Variants in DGAT1 observed in about 807,000 individuals in gnomAD.
DGAT1 encodes the protein diacylglycerol O-acyltransferase 1.
DGAT1 carries 60 observed loss-of-function variants against 72.6 expected under a neutral mutation model. That is an observed-to-expected ratio of 0.83 (90% CI 0.67 to 1.02). The LOEUF is 1.02. Among genes scored for constraint, DGAT1 ranks in the 50% least tolerant of loss-of-function variants. The probability of loss-of-function intolerance (pLI) is 0.00; values close to 1 mark genes in which losing one functional copy is unlikely to be tolerated. For synonymous variants in DGAT1, 290 were observed against 267.5 expected, an observed-to-expected ratio of 1.08 and a Z score of -0.82; for missense variants, 592 against 670.0, an observed-to-expected ratio of 0.88 and a Z score of 1.29.
At position 144,319,740 on chromosome 8, in the gene DGAT1, G is replaced by A. The variant is rs557198250; in HGVS notation, c.289-672C>T. 3.9e-4 allele frequency among the ~76,000 whole-genome samples: 60 copies of A among 152,312 alleles called. 1 individual carries two copies. In the Middle Eastern group the frequency reaches 0.014, roughly 35 times the overall value. On this transcript the variant is annotated intron_variant, in intron 2 of 16. Coordinates refer to ENST00000528718, the MANE Select transcript of DGAT1 (RefSeq NM_012079.6). The stretch of plus-strand genomic sequence containing the variant: ...CCCCATGGAATAAGGCTCTTGGGAC[G>A]AGCCTGGAGTTGGGTGCTTGGCCTC...
rs960789490 is a variant in DGAT1, at chr8:144,326,366, C to G, written c.200+71G>C. 45 of 1,307,158 alleles carry G rather than the reference C, an allele frequency of 3.4e-5. No individual in the cohort carries two copies. The South Asian group carries it at 8.0e-4, about 23-fold the overall frequency. 81.0% of individuals were successfully genotyped at this position (1,307,158 alleles called of 1,614,324 possible). A position where few individuals can be genotyped will look rare whatever the true frequency, so the allele number is the denominator to read the frequency against. On this transcript the variant is annotated intron_variant, in intron 1 of 16. Transcript: ENST00000528718. ...GGCCCATGTTCTCGGACTCGGAGCT[C>G]GCGCTTCGGCCAACCCCGGAAAGTC...
intron 1 of DGAT1, among the ~76,000 whole-genome samples, chr8:144,325,253 G>GGC (rs1200199893): frequency 6.6e-6 from 1 of 151,870 alleles, no homozygotes; most frequent in Non-Finnish European, 1.5e-5. Flanking sequence ...CTCTCAGGAG[G>GGC]GCCACCCTCC....
intron 1 of DGAT1, among the ~76,000 whole-genome samples, chr8:144,321,710 C>A (rs1355467072): frequency 6.6e-6 from 1 of 152,254 alleles, no homozygotes; most frequent in Admixed American, 6.5e-5. Flanking sequence ...CCAGGCCTCA[C>A]TCTCCAGAGG....
chr8:144,323,193 C>T (rs1817505551), intron 1 of DGAT1, among the ~76,000 whole-genome samples: 1 of 152,212 alleles, frequency 6.6e-6, no homozygotes, highest in Non-Finnish European at 1.5e-5. Flanking sequence ...CCCCTTTGAG[C>T]CACCAAGGAC....
chr8:144,322,439 C>T (rs536671263), intron 1 of DGAT1, among the ~76,000 whole-genome samples: 3 of 152,186 alleles, frequency 2.0e-5, no homozygotes, highest in Non-Finnish European at 2.9e-5. Context: ...AGCCCCTAGG[C>T]AGGGAGAGTG....
intron 1 of DGAT1, 137 bp from the exon 2 acceptor site, chr8:144,321,545 C>T: frequency 1.3e-6 from 1 of 753,370 alleles, no homozygotes; most frequent in Non-Finnish European, 2.3e-6. Context: ...GAGGAGAAGC[C>T]AGGCAGAGCC....
chr8:144,323,771 G>C (rs1817523478), intron 1 of DGAT1, among the ~76,000 whole-genome samples: 1 of 152,194 alleles, frequency 6.6e-6, no homozygotes, highest in African/African-American at 2.4e-5. Context: ...CCGCCACCCT[G>C]TCTCCAGGTT....
Position 144,319,825 on chromosome 8 carries a change from A to G in DGAT1, c.289-757T>C, listed in dbSNP as rs1279437635. Among the ~76,000 whole-genome samples, 4 of 152,324 alleles carry G rather than the reference A, an allele frequency of 2.6e-5. No individual in the cohort carries two copies. The East Asian group carries it at 7.7e-4, about 29-fold the overall frequency. On this transcript the variant is annotated intron_variant, in intron 2 of 16. Coordinates refer to ENST00000528718, the MANE Select transcript of DGAT1 (RefSeq NM_012079.6). ...ACAAGCACTACCAACACCTCCATTA[A>G]GCTGGGCCCCAATGCCGCAGACCTG... is the stretch of plus-strand genomic sequence containing the variant.
At chr8:144,322,130 C>T (rs899675025) in intron 1 of DGAT1, among the ~76,000 whole-genome samples, 13 of 152,314 alleles carry the variant, frequency 8.5e-5, no homozygotes, top group African/African-American at 1.4e-4. Flanking sequence ...TCCCAACCAG[C>T]GCTGGAGGGG....
chr8:144,315,489 G>A lies in DGAT1; in HGVS notation c.*1065C>T. The A allele has an allele frequency of 1.0e-6, 1 of 985,594 alleles. No individual in the cohort carries two copies. Among genetic ancestry groups the A allele is most frequent in the Non-Finnish European group, 1.2e-6 (1 of 830,046 alleles). The allele number at this position is 985,594 out of a possible 1,614,324, so 61.1% of individuals were successfully genotyped here. A position where few individuals can be genotyped will look rare whatever the true frequency, so the allele number is the denominator to read the frequency against. On this transcript the variant is annotated 3_prime_UTR_variant, in exon 17 of 17. Transcript: ENST00000528718. ...TGTTGGGCCATAGCTGCAGGTCTGG[G>A]GACACCAGGGCCTGGTCCAGTCTTG...
rs1409738398 is a variant in DGAT1, at chr8:144,315,482, G to T, written c.*1072C>A. 8.1e-6 allele frequency: 8 copies of T among 985,504 alleles called. No homozygotes were observed. Among genetic ancestry groups the T allele is most frequent in the East Asian group, 1.1e-4 (1 of 8,832 alleles). 61.0% of individuals were successfully genotyped at this position (985,504 alleles called of 1,614,324 possible). A position where few individuals can be genotyped will look rare whatever the true frequency, so the allele number is the denominator to read the frequency against. Reference sequence around the variant, plus strand: ...CCTGCCTTGTTGGGCCATAGCTGCAGGTCTGGGGACACCAGGGCCTGGTCC... The same window carrying T: ...CCTGCCTTGTTGGGCCATAGCTGCATGTCTGGGGACACCAGGGCCTGGTCC... On this transcript the variant is annotated 3_prime_UTR_variant, in exon 17 of 17. Coordinates refer to ENST00000528718, the MANE Select transcript of DGAT1 (RefSeq NM_012079.6).
At position 144,314,701 on chromosome 8, in the gene DGAT1, TA is replaced by T. The variant is rs1817116060; in HGVS notation, c.*1852del. On this transcript the variant is annotated 3_prime_UTR_variant, in exon 17 of 17. Coordinates refer to ENST00000528718, the MANE Select transcript of DGAT1 (RefSeq NM_012079.6). ...GACGGACAAGACAGGCAGAGATCTATAAACAGACAGGCTCTATGCTATGGCC... is the reference window on the plus strand; with the variant it reads ...GACGGACAAGACAGGCAGAGATCTATAACAGACAGGCTCTATGCTATGGCC... 1 of 263,444 alleles carries T rather than the reference TA, an allele frequency of 3.8e-6. No individual in the cohort carries two copies. The highest frequency in any genetic ancestry group is 2.2e-5 in the African/African-American group (1 of 46,394). 16.3% of individuals were successfully genotyped at this position (263,444 alleles called of 1,614,324 possible).
Position 144,314,936 on chromosome 8 carries a change from G to T in DGAT1, c.*1618C>A. 9.1e-6 allele frequency: 9 copies of T among 986,034 alleles called. No homozygotes were observed. The South Asian group carries it at 3.3e-4, about 36-fold the overall frequency. 61.1% of individuals were successfully genotyped at this position (986,034 alleles called of 1,614,324 possible). A position where few individuals can be genotyped will look rare whatever the true frequency, so the allele number is the denominator to read the frequency against. On this transcript the variant is annotated 3_prime_UTR_variant, in exon 17 of 17. Coordinates refer to ENST00000528718, the MANE Select transcript of DGAT1 (RefSeq NM_012079.6). ...GGGTGGGCGCCTCACCTTGGCCCTG[G>T]GGGTCTCTGGTTGTCACAGGACCAC... is the stretch of plus-strand genomic sequence containing the variant.
Position 144,315,114 on chromosome 8 carries a change from G to A in DGAT1, c.*1440C>T. The A allele has an allele frequency of 5.1e-6, 5 of 985,540 alleles. No individual in the cohort carries two copies. The highest frequency in any genetic ancestry group is 6.0e-6 in the Non-Finnish European group (5 of 829,970). 61.0% of individuals were successfully genotyped at this position (985,540 alleles called of 1,614,324 possible). On this transcript the variant is annotated 3_prime_UTR_variant, in exon 17 of 17. Transcript: ENST00000528718. ...CTCCACTCAGCCTGGTGGAGGAAGG[G>A]AAGGGGGCCTGCGCTGGGCAGTGGA...
At chr8:144,326,407 C>G (rs1554848775) in intron 1 of DGAT1, 30 bp downstream of exon 1, 2 of 1,390,404 alleles carry the variant, frequency 1.4e-6, no homozygotes, top group East Asian at 3.1e-5. Flanking sequence ...GCCCTTGGGT[C>G]AGAGGTTAGG....
At position 144,317,103 on chromosome 8, in the gene DGAT1, GA is replaced by G; in HGVS notation, c.1166del (p.Phe389SerfsTer31). ...TGCCCCGTCGAAGCATGGGCTTGTA[GA>G]AGTGTCTGCAGAGGAGGGGGCATGG... ...IPVHKWCIRH[F>X]YKPMLRRGSS... On this transcript the variant is annotated frameshift_variant, in exon 15 of 17. Transcript: ENST00000528718. LOFTEE classifies it high-confidence loss of function. 1 of 1,613,094 alleles carries G rather than the reference GA, an allele frequency of 6.2e-7. No homozygotes were observed.
At position 144,326,805 on chromosome 8, in the gene DGAT1, C is replaced by A. The variant is rs1164591495; in HGVS notation, c.-169G>T. 4.1e-5 allele frequency: 16 copies of A among 391,758 alleles called. No individual in the cohort carries two copies. The South Asian group carries it at 1.7e-3, about 41-fold the overall frequency. 24.3% of individuals were successfully genotyped at this position (391,758 alleles called of 1,614,324 possible). ...GCGCGTTCAACCCGCCCGCGTCGGG[C>A]CCGTCGGCCTCAAGGACAACGGCTG... On this transcript the variant is annotated 5_prime_UTR_variant, in exon 1 of 17. Transcript: ENST00000528718.
chr8:144,326,749 G>C lies in DGAT1; in HGVS notation c.-113C>G. ...ACAACGGCCGCCACTGCCCCCTGCC[G>C]GCCGCCGTAGCCCGGGTGACCGCCT... On this transcript the variant is annotated 5_prime_UTR_variant, in exon 1 of 17. Transcript: ENST00000528718. 1 of 906,548 alleles carries C rather than the reference G, an allele frequency of 1.1e-6. No individual in the cohort carries two copies. Among genetic ancestry groups the C allele is most frequent in the African/African-American group, 1.8e-5 (1 of 56,148 alleles). The allele number at this position is 906,548 out of a possible 1,614,324, so 56.2% of individuals were successfully genotyped here.
rs1185295485 is a variant in DGAT1, at chr8:144,314,818, C to G, written c.*1736G>C. On this transcript the variant is annotated 3_prime_UTR_variant, in exon 17 of 17. Transcript: ENST00000528718. ...CACAGAAGGGCCGGGCTGCAGTGGC[C>G]TCCTGGGGGAAGACGGATGCTTGCA... 1 of 832,104 alleles carries G rather than the reference C, an allele frequency of 1.2e-6. No individual in the cohort carries two copies. The highest frequency in any genetic ancestry group is 6.2e-4 in the Middle Eastern group (1 of 1,606). The allele number at this position is 832,104 out of a possible 1,614,324, so 51.5% of individuals were successfully genotyped here. A position where few individuals can be genotyped will look rare whatever the true frequency, so the allele number is the denominator to read the frequency against.
Sources: gnomAD v4.1 joint callset for allele counts (sites outside exome capture counted in the v4.1 genomes callset) on GRCh38, gnomAD v4.1.1 for gene constraint, MANE v1.5 for transcripts, NCBI Gene and HGNC (gene_info 2026-07-23, HGNC 2026-07-21) for gene names.